The following FOXP2 variants were observed in gnomAD, a reference collection of about 807,000 sequenced individuals.
FOXP2 encodes the protein forkhead box P2.
Under a neutral mutation model 115.8 loss-of-function variants are expected in FOXP2, and 12 were observed. The ratio of observed to expected loss-of-function variants is 0.10; its 90% CI spans 0.07 to 0.17. FOXP2 has a LOEUF of 0.17. Among genes scored for constraint, FOXP2 ranks in the 10% least tolerant of loss-of-function variants. FOXP2 has a pLI of 1.00. For missense variants in FOXP2, 629 were observed against 843.5 expected (o/e 0.75, Z 3.15); for synonymous variants, 328 against 297.7 (o/e 1.10, Z -1.05).
chr7:114,648,107 G>A (rs1806022041), intron 8 of FOXP2, among the ~76,000 whole-genome samples: 1 of 151,972 alleles, frequency 6.6e-6, no homozygotes, highest in African/African-American at 2.4e-5. Context: ...ATAGAAATTT[G>A]TCTTCTTTTT....
At chr7:114,211,842 G>A (rs1794360452) in intron 1 of FOXP2, among the ~76,000 whole-genome samples, 1 of 152,096 alleles carries the variant, frequency 6.6e-6, no homozygotes, top group Admixed American at 6.6e-5. Flanking sequence ...GGAGGCCAGG[G>A]AGGGCAGATC....
At chr7:114,468,755 T>G (rs1008803901) in intron 2 of FOXP2, among the ~76,000 whole-genome samples, 1 of 152,178 alleles carries the variant, frequency 6.6e-6, no homozygotes, top group Non-Finnish European at 1.5e-5. Context: ...ATCAAAATTA[T>G]CTTTTTATAT....
chr7:114,328,418 G>C (rs1453952824), intron 2 of FOXP2, among the ~76,000 whole-genome samples: 1 of 151,314 alleles, frequency 6.6e-6, no homozygotes, highest in Non-Finnish European at 1.5e-5. Context: ...TTGTATTTTT[G>C]GTAGAGACAG....
rs1489357436 is a variant in FOXP2, at chr7:114,521,079, T to C, written c.169-13538T>C. ...GAAATAATGGTGTGCTTTGGTGAAT[T>C]TGAAATTTGTTTCTATTTTTATTGC... On this transcript the variant is annotated intron_variant, in intron 2 of 16. Coordinates refer to ENST00000350908, the MANE Select transcript of FOXP2 (RefSeq NM_014491.4). 1.3e-5 allele frequency among the ~76,000 whole-genome samples: 2 copies of C among 152,198 alleles called. 1 individual carries two copies. Among genetic ancestry groups the C allele is most frequent in the Admixed American group, 1.3e-4 (2 of 15,270 alleles).
At chr7:114,425,995 T>G (rs1040972650) in intron 1 of FOXP2, among the ~76,000 whole-genome samples, 1 of 151,716 alleles carries the variant, frequency 6.6e-6, no homozygotes, top group Non-Finnish European at 1.5e-5. Context: ...ACCATATGAT[T>G]TGTAACACCC....
At chr7:114,391,204 AT>A (rs1351515015) in intron 2 of FOXP2, among the ~76,000 whole-genome samples, 2 of 151,878 alleles carry the variant, frequency 1.3e-5, no homozygotes, top group African/African-American at 2.4e-5. Flanking sequence ...AAAAAAAAAA[AT>A]CTGACTTCTC....
rs34615484 is a variant in FOXP2, at chr7:114,476,088, GT to G, written c.168+49423del. ...GTCTGTTTGCTCTGTGGATACTTGG[GT>G]TTTTTTTTTTTTTCTGCAGAAGCTC... On this transcript the variant is annotated intron_variant, in intron 2 of 16. Coordinates refer to ENST00000350908, the MANE Select transcript of FOXP2 (RefSeq NM_014491.4). Among the ~76,000 whole-genome samples the G allele has an allele frequency of 4.9e-3, 669 of 136,572 alleles. 4 individuals are homozygous for G. Among genetic ancestry groups the G allele is most frequent in the East Asian group, 0.021 (96 of 4,584 alleles). 89.6% of individuals were successfully genotyped at this position (136,572 alleles called of 152,430 possible). A position where few individuals can be genotyped will look rare whatever the true frequency, so the allele number is the denominator to read the frequency against.
At chr7:114,462,366 CTTT>C (rs1170387045) in intron 2 of FOXP2, among the ~76,000 whole-genome samples, 7 of 89,278 alleles carry the variant, frequency 7.8e-5, no homozygotes, top group Non-Finnish European at 8.4e-5. Context: ...AGCATAATAT[CTTT>C]TTTTTTTTTT....
At chr7:114,304,540 C>T (rs539302938) in intron 2 of FOXP2, among the ~76,000 whole-genome samples, 1 of 151,298 alleles carries the variant, frequency 6.6e-6, no homozygotes, top group Admixed American at 6.6e-5. Context: ...AGTGGTGGTG[C>T]GTGCCTGTAG....
chr7:114,409,103 T>G (rs1327698242), intron 2 of FOXP2, among the ~76,000 whole-genome samples: 2 of 152,146 alleles, frequency 1.3e-5, no homozygotes, highest in African/African-American at 4.8e-5. Flanking sequence ...TCTCTTACAA[T>G]AGAAATTTTT....
chr7:114,108,957 A>G lies in FOXP2; in HGVS notation c.-247+21119A>G, dbSNP rs182581555. On this transcript the variant is annotated intron_variant, in intron 1 of 19. Coordinates refer to the FOXP2 transcript ENST00000635638. ...AAAAATAGGCCTTCACATTTAACAT[A>G]TGAAACACTCACAAGGTAATTTCAT... Among the ~76,000 whole-genome samples the G allele has an allele frequency of 7.9e-4, 120 of 152,116 alleles. 1 individual carries two copies. The South Asian group carries it at 0.01, about 13-fold the overall frequency.
intron 10 of FOXP2, chr7:114,656,494 T>G (rs758055890): frequency 2.2e-6 from 1 of 453,310 alleles, no homozygotes. Flanking sequence ...TTTCTCAAAC[T>G]ATGCAGAGGT....
intron 2 of FOXP2, among the ~76,000 whole-genome samples, chr7:114,531,337 C>T (rs1051462184): frequency 6.6e-6 from 1 of 151,762 alleles, no homozygotes; most frequent in African/African-American, 2.4e-5. Context: ...TCATTTGACA[C>T]CTAACATTTT....
chr7:114,482,238 C>T (rs948493640), intron 2 of FOXP2, among the ~76,000 whole-genome samples: 3 of 151,320 alleles, frequency 2.0e-5, no homozygotes, highest in Admixed American at 2.0e-4. Context: ...GGCAGTTAGC[C>T]CAGAAGTCCT....
chr7:114,320,269 C>T (rs542798228), intron 2 of FOXP2, among the ~76,000 whole-genome samples: 17 of 152,288 alleles, frequency 1.1e-4, no homozygotes, highest in African/African-American at 3.6e-4. Flanking sequence ...GAAGAACTGG[C>T]CTCTTGCCTC....
chr7:114,572,949 A>G (rs758499934), intron 3 of FOXP2, among the ~76,000 whole-genome samples: 21 of 151,762 alleles, frequency 1.4e-4, no homozygotes, highest in Middle Eastern at 3.2e-3. Context: ...AGGTATCCCA[A>G]ATTGTTCTTG....
chr7:114,338,239 A>C (rs983158374), intron 2 of FOXP2, among the ~76,000 whole-genome samples: 1 of 151,076 alleles, frequency 6.6e-6, no homozygotes, highest in African/African-American at 2.4e-5. Flanking sequence ...CAATAAAAGA[A>C]TGTAACATTG....
intron 2 of FOXP2, among the ~76,000 whole-genome samples, chr7:114,375,699 C>A (rs1792121794): frequency 6.6e-6 from 1 of 152,162 alleles, no homozygotes; most frequent in Admixed American, 6.5e-5. Flanking sequence ...CCACTTGGTT[C>A]TCCCAAGCAT....
At chr7:114,253,379 G>A (rs1180749292) in intron 1 of FOXP2, among the ~76,000 whole-genome samples, 1 of 152,072 alleles carries the variant, frequency 6.6e-6, no homozygotes, top group Non-Finnish European at 1.5e-5. Flanking sequence ...TCTGTCTAAT[G>A]TTGACAGTGG....
Sources: allele counts gnomAD v4.1 joint callset (sites outside exome capture counted in the v4.1 genomes callset), GRCh38; gene constraint gnomAD v4.1.1; transcripts MANE v1.5; gene names NCBI Gene and HGNC (gene_info 2026-07-23, HGNC 2026-07-21).